PRKCA: variants seen among roughly 807,000 people sequenced by gnomAD.
The protein encoded by PRKCA is protein kinase C alpha type.
Under a neutral mutation model 87.0 loss-of-function variants are expected in PRKCA, and 27 were observed. The observed-to-expected ratio is 0.31, with a 90% CI of 0.23 to 0.43. The LOEUF is 0.43. PRKCA is among the 20% of genes least tolerant of loss of function. The pLI is 1.00. For synonymous variants in PRKCA, 329 were observed against 311.1 expected (o/e 1.06, Z -0.61); for missense variants, 518 against 852.3 (o/e 0.61, Z 4.88).
chr17:66,449,762 G>A (rs1914216230), intron 2 of PRKCA, among the ~76,000 whole-genome samples: 1 of 152,174 alleles, frequency 6.6e-6, no homozygotes, highest in African/African-American at 2.4e-5. Context: ...TGCACCTGCA[G>A]CGCCTGTGTA....
At chr17:66,333,668 T>G (rs768384112) in intron 2 of PRKCA, among the ~76,000 whole-genome samples, 2 of 152,096 alleles carry the variant, frequency 1.3e-5, no homozygotes, top group Non-Finnish European at 2.9e-5. Context: ...TGAAGGGGAT[T>G]AAGTCCTGGC....
chr17:66,501,257 G>A (rs1456157125), intron 3 of PRKCA, among the ~76,000 whole-genome samples: 2 of 152,194 alleles, frequency 1.3e-5, no homozygotes, highest in Non-Finnish European at 2.9e-5. Context: ...GTAGTTGAGA[G>A]TATGCATTAG....
At chr17:66,699,151 G>A (rs776320913) in intron 8 of PRKCA, among the ~76,000 whole-genome samples, 5 of 146,588 alleles carry the variant, frequency 3.4e-5, no homozygotes, top group African/African-American at 1.0e-4. Flanking sequence ...GAGCAGCTTC[G>A]ATTGTGCGTG....
chr17:66,499,047 A>C (rs2144122278), intron 3 of PRKCA, among the ~76,000 whole-genome samples: 2 of 152,274 alleles, frequency 1.3e-5, no homozygotes, highest in South Asian at 4.2e-4. Flanking sequence ...CCATTAGCAG[A>C]CACATTCAGT....
At chr17:66,519,445 G>GT (rs1967082622) in intron 3 of PRKCA, among the ~76,000 whole-genome samples, 1 of 152,138 alleles carries the variant, frequency 6.6e-6, no homozygotes, top group Non-Finnish European at 1.5e-5. Flanking sequence ...GGGCCTTAAG[G>GT]TGGGAAACAG....
intron 3 of PRKCA, among the ~76,000 whole-genome samples, chr17:66,499,473 ATGGGAAAGTCT>A (rs1916633148): frequency 6.6e-6 from 1 of 152,228 alleles, no homozygotes; most frequent in African/African-American, 2.4e-5. Context: ...TCTTATTTAC[ATGGGAAAGTCT>A]TTGTTTATGC....
At chr17:66,351,753 A>G (rs1479697091) in intron 2 of PRKCA, among the ~76,000 whole-genome samples, 2 of 152,162 alleles carry the variant, frequency 1.3e-5, no homozygotes, top group Admixed American at 6.5e-5. Flanking sequence ...TAGAATTTGT[A>G]TAAGGATTCA....
rs921522004 is a variant in PRKCA, at chr17:66,531,829, A to T, written c.288+35546A>T. 2.0e-5 allele frequency among the ~76,000 whole-genome samples: 3 copies of T among 152,142 alleles called. No homozygotes were observed. In the East Asian group the frequency reaches 5.8e-4, roughly 29 times the overall value. ...TGCAAGTCCTGGTTGGTGACCAGGG[A>T]CTTGAAGAGTAGACTTTCTTCTCAA... On this transcript the variant is annotated intron_variant, in intron 3 of 16. Transcript: ENST00000413366.
chr17:66,805,239 TA>T lies in PRKCA; in HGVS notation c.*1203del. 5.1e-6 allele frequency: 4 copies of T among 777,004 alleles called. No individual in the cohort carries two copies. Among genetic ancestry groups the T allele is most frequent in the Non-Finnish European group, 6.3e-6 (4 of 639,936 alleles). 48.1% of individuals were successfully genotyped at this position (777,004 alleles called of 1,614,324 possible). A position where few individuals can be genotyped will look rare whatever the true frequency, so the allele number is the denominator to read the frequency against. Reference sequence around the variant, plus strand: ...TAACAGCTCAAAGATGTTTTGTTAATAGAAGGATTTTAATACGTTTTGCAAA... The same window carrying T: ...TAACAGCTCAAAGATGTTTTGTTAATGAAGGATTTTAATACGTTTTGCAAA... On this transcript the variant is annotated 3_prime_UTR_variant, in exon 17 of 17. Coordinates refer to ENST00000413366, the MANE Select transcript of PRKCA (RefSeq NM_002737.3).
chr17:66,595,176 T>TA (rs913829768), intron 3 of PRKCA, among the ~76,000 whole-genome samples: 57 of 152,278 alleles, frequency 3.7e-4, no homozygotes, highest in Non-Finnish European at 7.3e-4. Flanking sequence ...TCTTCTTTTT[T>TA]AAAAAATTAT....
At chr17:66,663,261 C>T (rs189797560) in intron 5 of PRKCA, among the ~76,000 whole-genome samples, 7 of 152,296 alleles carry the variant, frequency 4.6e-5, no homozygotes, top group Middle Eastern at 3.4e-3. Context: ...TGTCACTGGA[C>T]GTCGTCTCTT....
chr17:66,460,582 G>A (rs1404153983), intron 2 of PRKCA, among the ~76,000 whole-genome samples: 1 of 152,170 alleles, frequency 6.6e-6, no homozygotes, highest in East Asian at 1.9e-4. Context: ...GGCCTCTGCT[G>A]CTCATTACGT....
intron 3 of PRKCA, among the ~76,000 whole-genome samples, chr17:66,589,500 A>T (rs909547932): frequency 6.6e-6 from 1 of 152,188 alleles, no homozygotes. Context: ...TTTGTTGGAT[A>T]TGTGGCTGAT....
chr17:66,325,000 T>C (rs990251092), intron 2 of PRKCA, among the ~76,000 whole-genome samples: 2 of 152,224 alleles, frequency 1.3e-5, no homozygotes, highest in African/African-American at 4.8e-5. Flanking sequence ...AGAAAAATCC[T>C]TGGAAGCTCT....
intron 13 of PRKCA, among the ~76,000 whole-genome samples, chr17:66,747,789 G>C (rs1247296505): frequency 6.6e-6 from 1 of 152,232 alleles, no homozygotes; most frequent in Admixed American, 6.5e-5. Context: ...CATTCCAGCT[G>C]TTATCCCCAG....
At chr17:66,658,965 A>G (rs1031313378) in intron 5 of PRKCA, among the ~76,000 whole-genome samples, 3 of 152,246 alleles carry the variant, frequency 2.0e-5, no homozygotes, top group Admixed American at 6.5e-5. Flanking sequence ...AGGCCTCTGT[A>G]TGAGTAGAAC....
At chr17:66,379,873 G>C (rs191313468) in intron 2 of PRKCA, among the ~76,000 whole-genome samples, 1 of 151,944 alleles carries the variant, frequency 6.6e-6, no homozygotes, top group Non-Finnish European at 1.5e-5. Context: ...TGATCTTTTC[G>C]AGTTAATTTT....
chr17:66,678,309 A>AT (rs1339579066), intron 5 of PRKCA, among the ~76,000 whole-genome samples: 7 of 152,156 alleles, frequency 4.6e-5, no homozygotes, highest in African/African-American at 1.7e-4. Flanking sequence ...AGAGCCCCTG[A>AT]TTTTGGCCTG....
chr17:66,517,368 C>G (rs1232784455), intron 3 of PRKCA, among the ~76,000 whole-genome samples: 1 of 152,196 alleles, frequency 6.6e-6, no homozygotes, highest in Non-Finnish European at 1.5e-5. Context: ...TCTTCCCCTC[C>G]TCGCCCCCAA....
Sources: gnomAD v4.1 joint callset for allele counts (sites outside exome capture counted in the v4.1 genomes callset) on GRCh38, gnomAD v4.1.1 for gene constraint, MANE v1.5 for transcripts, NCBI Gene and HGNC (gene_info 2026-07-23, HGNC 2026-07-21) for gene names.